Variants in PRLHR observed in about 807,000 individuals in gnomAD.
The protein encoded by PRLHR is prolactin releasing hormone receptor.
Under a neutral mutation model 9.3 loss-of-function variants are expected in PRLHR, and 10 were observed. The observed-to-expected ratio is 1.08, with a 90% CI of 0.66 to 1.82. The LOEUF (loss-of-function observed/expected upper bound fraction) is 1.82. PRLHR is among the 40% of genes most tolerant of loss of function. The probability of loss-of-function intolerance (pLI) is 0.00; values close to 1 mark genes in which losing one functional copy is unlikely to be tolerated. For synonymous variants in PRLHR, 261 were observed against 249.3 expected (o/e 1.05, Z -0.44); for missense variants, 589 against 512.0 (o/e 1.15, Z -1.45).
rs146905653 is a variant in PRLHR at position 118,595,079 on chromosome 10, C to A, written c.166G>T (p.Val56Leu). 3.8e-5 allele frequency: 61 copies of A among 1,605,558 alleles called. 1 individual carries two copies. The highest frequency in any genetic ancestry group is 5.3e-5 in the African/African-American group (4 of 74,812). The part of the protein sequence containing the change: ...AVTPFQSLQL[V>L]HQLKGLIVLL... ...ACGATCAGCCCCTTCAGCTGATGCA[C>A]CAGCTGCAGGCTCTGGAAGGGCGTG... Residue 56 changes from valine to leucine, a missense_variant, in exon 2 of 2, where the codon GTG becomes TTG. Transcript: ENST00000239032.
At position 118,594,665 on chromosome 10, in the gene PRLHR, C is replaced by G. The variant is rs1158498082; in HGVS notation, c.580G>C (p.Ala194Pro). 1.3e-6 allele frequency: 2 copies of G among 1,584,082 alleles called. No homozygotes were observed. The highest frequency in any genetic ancestry group is 2.7e-5 in the African/African-American group (2 of 74,584). The change falls in exon 2 of 2, where the codon GCC becomes CCC. Residue 194 changes from alanine (A) to proline (P), a missense_variant. Transcript: ENST00000239032. Reference protein sequence around the residue: ...WALSAVLALPAAVHTYHVELK... With the variant: ...WALSAVLALPPAVHTYHVELK... ...TCCACGTGATAGGTGTGCACGGCGGCGGGCAGCGCCAGCACCGCGGACAGC... is the reference window on the plus strand; with the variant it reads ...TCCACGTGATAGGTGTGCACGGCGGGGGGCAGCGCCAGCACCGCGGACAGC...
Position 118,594,769 on chromosome 10 carries a change from C to A in PRLHR, c.476G>T (p.Arg159Leu), listed in dbSNP as rs1167094290. ...CAGCGGGTGCACCAGCACGACGTAG[C>A]GGTCCACTGCGATGGTGGTGAGCGT... Reference protein sequence around the residue: ...VFTLTTIAVDRYVVLVHPLRR... With the variant: ...VFTLTTIAVDLYVVLVHPLRR... The change falls in exon 2 of 2, where the codon CGC (arginine) becomes CTC (leucine). Residue 159 changes from arginine (R) to leucine (L), a missense_variant. Physicochemically the swap from Arg to Leu is moderately radical, Grantham distance 102 (BLOSUM62 -2). Transcript: ENST00000239032. 6.2e-7 allele frequency: 1 copy of A among 1,610,698 alleles called. No individual in the cohort carries two copies.
At chr10:118,595,415 T>C in intron 1 of PRLHR, 101 bp downstream of exon 1, 1 of 574,860 alleles carries the variant, frequency 1.7e-6, no homozygotes, top group South Asian at 3.2e-5. Flanking sequence ...CTCTGTAAAA[T>C]AAACCTAAGC....
Position 118,594,857 on chromosome 10 carries a change from C to T in PRLHR, c.388G>A (p.Gly130Ser), listed in dbSNP as rs767374853. The change falls in exon 2 of 2, where the codon GGC becomes AGC. Residue 130 changes from glycine to serine, a missense_variant. Physicochemically the swap from Gly to Ser is moderately conservative, Grantham distance 56. Transcript: ENST00000239032. The part of the protein sequence containing the change: ...YAFEPRGWVF[G>S]GGLCHLVFFL... ...AAGACCAGGTGGCACAGGCCGCCGC[C>T]GAACACCCAGCCGCGTGGCTCGAAG... The T allele has an allele frequency of 1.9e-5, 30 of 1,613,188 alleles. No individual in the cohort carries two copies. The highest frequency in any genetic ancestry group is 2.7e-5 in the African/African-American group (2 of 74,948).
chr10:118,595,198 G>A lies in PRLHR; in HGVS notation c.47C>T (p.Ser16Phe). The A allele has an allele frequency of 6.4e-7, 1 of 1,567,376 alleles. No homozygotes were observed. Residue 16 changes from serine (S) to phenylalanine (F), a missense_variant, in exon 2 of 2, where the codon TCT becomes TTT. Physicochemically the swap from Ser to Phe is radical, Grantham distance 155. Coordinates refer to ENST00000239032, the MANE Select transcript of PRLHR (RefSeq NM_004248.3). Reference protein sequence around the residue: ...TRGPRVSDLFSGLPPAVTTPA... With the variant: ...TRGPRVSDLFFGLPPAVTTPA... Reference sequence around the variant, plus strand: ...AGTTGTGACCGCCGGCGGCAGCCCAGAAAATAAGTCAGAAACCCTGGGGCC... The same window carrying A: ...AGTTGTGACCGCCGGCGGCAGCCCAAAAAATAAGTCAGAAACCCTGGGGCC...
At chr10:118,595,327 C>A (rs1439550032) in intron 1 of PRLHR, 77 bp from the exon 2 acceptor site, 3 of 1,353,988 alleles carry the variant, frequency 2.2e-6, no homozygotes, top group Non-Finnish European at 3.0e-6. Context: ...GCGCCCCTCC[C>A]CCATCGCCTG....
Position 118,590,111 on chromosome 10 carries a change from C to T in PRLHR, c.*4021G>A, listed in dbSNP as rs1844420278. Reference sequence around the variant, plus strand: ...ATGCATTTTACACACATAGCAAAGACATCAACGCATGAAGGTAAATCAATC... The same window carrying T: ...ATGCATTTTACACACATAGCAAAGATATCAACGCATGAAGGTAAATCAATC... On this transcript the variant is annotated 3_prime_UTR_variant, in exon 2 of 2. Transcript: ENST00000239032. 6.6e-6 allele frequency: 1 copy of T among 152,188 alleles called. No homozygotes were observed. Among genetic ancestry groups the T allele is most frequent in the Admixed American group, 6.5e-5 (1 of 15,282 alleles). 9.4% of individuals were successfully genotyped at this position (152,188 alleles called of 1,614,324 possible).
Position 118,592,937 on chromosome 10 carries a change from T to A in PRLHR, c.*1195A>T, listed in dbSNP as rs968208975. The stretch of plus-strand genomic sequence containing the variant: ...GCTTTTCCAACAGTGTGGAGACCTT[T>A]GTCCCAAGGCACTTGTCCTCATTTA... On this transcript the variant is annotated 3_prime_UTR_variant, in exon 2 of 2. Transcript: ENST00000239032. 6.6e-6 allele frequency: 1 copy of A among 152,234 alleles called. No homozygotes were observed. Among genetic ancestry groups the A allele is most frequent in the Non-Finnish European group, 1.5e-5 (1 of 68,040 alleles). The allele number at this position is 152,234 out of a possible 1,614,324, so 9.4% of individuals were successfully genotyped here.
In PRLHR at chr10:118,594,945, G is replaced by A; in HGVS notation, c.300C>T (p.Gly100=). The A allele has an allele frequency of 6.2e-7, 1 of 1,613,696 alleles. No homozygotes were observed. Among genetic ancestry groups the A allele is most frequent in the Non-Finnish European group, 8.5e-7 (1 of 1,179,922 alleles). The change falls in exon 2 of 2, where the codon GGC becomes GGT. Residue 100 remains glycine (G), a synonymous_variant. Transcript: ENST00000239032. The part of the protein sequence containing the change: ...RLHNVTNFLI[G]NLALSDVLMC... ...TGAGCACGTCGGACAAGGCCAGGTT[G>A]CCGATGAGGAAGTTCGTCACGTTGT...
rs1190636703 is a variant in PRLHR, at chr10:118,594,326, C to T, written c.919G>A (p.Ala307Thr). 5.6e-6 allele frequency: 9 copies of T among 1,600,576 alleles called. No homozygotes were observed. The highest frequency in any genetic ancestry group is 7.6e-6 in the Non-Finnish European group (9 of 1,178,016). ...FNLLRDLDPH[A>T]IDPYAFGLVQ... ...AGCCCAAAGGCGTAAGGGTCGATGGCGTGGGGGTCGAGGTCCCGCAGCAGG... is the reference window on the plus strand; with the variant it reads ...AGCCCAAAGGCGTAAGGGTCGATGGTGTGGGGGTCGAGGTCCCGCAGCAGG... The change falls in exon 2 of 2, where the codon GCC becomes ACC. Residue 307 changes from alanine (A) to threonine (T), a missense_variant. Coordinates refer to ENST00000239032, the MANE Select transcript of PRLHR (RefSeq NM_004248.3).
In PRLHR at chr10:118,590,937, A is replaced by T. The variant is rs1432618954; in HGVS notation, c.*3195T>A. On this transcript the variant is annotated 3_prime_UTR_variant, in exon 2 of 2. Coordinates refer to ENST00000239032, the MANE Select transcript of PRLHR (RefSeq NM_004248.3). The stretch of plus-strand genomic sequence containing the variant: ...AGTGTTTCAAACTTAAGTTGTAGGC[A>T]TGACAGAAACCAGTGGCAGCTTTTC... The T allele has an allele frequency of 6.6e-6, 1 of 152,260 alleles. No individual in the cohort carries two copies. The highest frequency in any genetic ancestry group is 1.9e-4 in the East Asian group (1 of 5,204). 9.4% of individuals were successfully genotyped at this position (152,260 alleles called of 1,614,324 possible). A position where few individuals can be genotyped will look rare whatever the true frequency, so the allele number is the denominator to read the frequency against.
At position 118,594,128 on chromosome 10, in the gene PRLHR, G is replaced by A; in HGVS notation, c.*4C>T. ...CTCCTTGACCAAGGCCTGGCTAAGT[G>A]GCATCAGATGACCACGCTGACGGTC... On this transcript the variant is annotated 3_prime_UTR_variant, in exon 2 of 2. Transcript: ENST00000239032. The A allele has an allele frequency of 6.6e-7, 1 of 1,518,816 alleles. No individual in the cohort carries two copies. The highest frequency in any genetic ancestry group is 8.8e-7 in the Non-Finnish European group (1 of 1,132,150). The allele number at this position is 1,518,816 out of a possible 1,614,324, so 94.1% of individuals were successfully genotyped here. A position where few individuals can be genotyped will look rare whatever the true frequency, so the allele number is the denominator to read the frequency against.
At position 118,591,695 on chromosome 10, in the gene PRLHR, C is replaced by T. The variant is rs914860075; in HGVS notation, c.*2437G>A. The T allele has an allele frequency of 1.7e-5, 2 of 117,648 alleles. No individual in the cohort carries two copies. The highest frequency in any genetic ancestry group is 3.2e-5 in the African/African-American group (1 of 31,550). The allele number at this position is 117,648 out of a possible 1,614,324, so 7.3% of individuals were successfully genotyped here. ...TGAGATTCATTAGAAAGAGGATTCC[C>T]GCCCCCACCCCCCACCCCGAGATGG... On this transcript the variant is annotated 3_prime_UTR_variant, in exon 2 of 2. Transcript: ENST00000239032.
In PRLHR at chr10:118,594,717, G is replaced by A. The variant is rs368733849; in HGVS notation, c.528C>T (p.Ser176=). 6 of 1,601,686 alleles carry A rather than the reference G, an allele frequency of 3.7e-6. No individual in the cohort carries two copies. In the African/African-American group the frequency reaches 6.7e-5, roughly 18 times the overall value. The part of the protein sequence containing the change: ...PLRRRISLRL[S]AYAVLAIWAL... Reference sequence around the variant, plus strand: ...CCCAGATGGCCAGCACAGCGTAGGCGCTGAGGCGCAGCGAGATGCGCCGCC... The same window carrying A: ...CCCAGATGGCCAGCACAGCGTAGGCACTGAGGCGCAGCGAGATGCGCCGCC... The change falls in exon 2 of 2, where the codon AGC becomes AGT. Residue 176 remains serine (S), a synonymous_variant. Coordinates refer to ENST00000239032, the MANE Select transcript of PRLHR (RefSeq NM_004248.3).
In PRLHR at chr10:118,590,654, G is replaced by A. The variant is rs2094786222; in HGVS notation, c.*3478C>T. On this transcript the variant is annotated 3_prime_UTR_variant, in exon 2 of 2. Coordinates refer to ENST00000239032, the MANE Select transcript of PRLHR (RefSeq NM_004248.3). ...TTACTCCTTGCAGGAAGAGGACTGT[G>A]TATACATCTTAGATGCTTGATATTA... is the stretch of plus-strand genomic sequence containing the variant. The A allele has an allele frequency of 6.6e-6, 1 of 152,200 alleles. No individual in the cohort carries two copies. Among genetic ancestry groups the A allele is most frequent in the Admixed American group, 6.5e-5 (1 of 15,280 alleles). 9.4% of individuals were successfully genotyped at this position (152,200 alleles called of 1,614,324 possible).
intron 1 of PRLHR, 22 bp from the exon 2 acceptor site, chr10:118,595,272 C>A: frequency 6.7e-7 from 1 of 1,493,512 alleles, no homozygotes; most frequent in South Asian, 1.3e-5. Flanking sequence ...TAATCAAAGT[C>A]CGTCACTTCC....
rs1179828807 is a variant in PRLHR at position 118,590,389 on chromosome 10, G to C, written c.*3743C>G. On this transcript the variant is annotated 3_prime_UTR_variant, in exon 2 of 2. Coordinates refer to ENST00000239032, the MANE Select transcript of PRLHR (RefSeq NM_004248.3). ...ATTCACAAGGACAAAAAATCAGACG[G>C]TTATAGGAACTGGAATATCCTTACC... The C allele has an allele frequency of 6.6e-6, 1 of 152,170 alleles. No individual in the cohort carries two copies. The highest frequency in any genetic ancestry group is 1.5e-5 in the Non-Finnish European group (1 of 68,024). 9.4% of individuals were successfully genotyped at this position (152,170 alleles called of 1,614,324 possible). A position where few individuals can be genotyped will look rare whatever the true frequency, so the allele number is the denominator to read the frequency against.
rs1321194076 is a variant in PRLHR at position 118,594,434 on chromosome 10, C to T, written c.811G>A (p.Ala271Thr). Residue 271 changes from alanine (A) to threonine (T), a missense_variant, in exon 2 of 2, where the codon GCT becomes ACT. Ala to Thr is a moderately conservative substitution (Grantham distance 58, BLOSUM62 0). Transcript: ENST00000239032. ...AAGCAGAAGGTGCGCCGGCGCCGAG[C>T]GCGGTCCCAGTCGGCCTGGCTCTGG... is the stretch of plus-strand genomic sequence containing the variant. ...VTQSQADWDRARRRRTFCLLV... is the reference protein window; with the variant it reads ...VTQSQADWDRTRRRRTFCLLV... The T allele has an allele frequency of 2.5e-6, 4 of 1,600,954 alleles. No individual in the cohort carries two copies. Among genetic ancestry groups the T allele is most frequent in the Non-Finnish European group, 3.4e-6 (4 of 1,179,410 alleles).
rs1844428101 is a variant in PRLHR at position 118,591,075 on chromosome 10, A to C, written c.*3057T>G. ...GATTTAAAATAATTCATGGTATGTAAATTTGTTTTTTGTTGTTTTTTGTTG... is the reference window on the plus strand; with the variant it reads ...GATTTAAAATAATTCATGGTATGTACATTTGTTTTTTGTTGTTTTTTGTTG... On this transcript the variant is annotated 3_prime_UTR_variant, in exon 2 of 2. Transcript: ENST00000239032. The C allele has an allele frequency of 6.6e-6, 1 of 151,806 alleles. No individual in the cohort carries two copies. Among genetic ancestry groups the C allele is most frequent in the African/African-American group, 2.4e-5 (1 of 41,278 alleles). 9.4% of individuals were successfully genotyped at this position (151,806 alleles called of 1,614,324 possible).
Sources: allele counts gnomAD v4.1 joint callset, GRCh38; gene constraint gnomAD v4.1.1; transcripts MANE v1.5; gene names NCBI Gene and HGNC (gene_info 2026-07-23, HGNC 2026-07-21).